The following DAZAP1 variants were observed in gnomAD, a reference collection of about 807,000 sequenced individuals.
DAZAP1 encodes DAZ associated protein 1, also known as DAZ-associated protein 1.
Under a neutral mutation model 60.1 loss-of-function variants are expected in DAZAP1, and 6 were observed. That is an observed-to-expected ratio of 0.10 (90% CI 0.05 to 0.20). The LOEUF (loss-of-function observed/expected upper bound fraction) is 0.20, where lower values mean the gene tolerates loss of function less well. Among genes scored for constraint, DAZAP1 ranks in the 10% least tolerant of loss-of-function variants. DAZAP1 has a pLI of 1.00. For synonymous variants in DAZAP1, 235 were observed against 215.9 expected (o/e 1.09, Z -0.78); for missense variants, 366 against 560.4 (o/e 0.65, Z 3.50).
intron 4 of DAZAP1, among the ~76,000 whole-genome samples, chr19:1,420,806 C>T (rs1049706606): frequency 6.6e-5 from 10 of 152,222 alleles, no homozygotes; most frequent in East Asian, 5.8e-4. Flanking sequence ...TTTCCCCTGC[C>T]GTCCTAAAGT....
At chr19:1,415,351 TTATGTGTGTGTGTG>T (rs1223903603) in intron 1 of DAZAP1, among the ~76,000 whole-genome samples, 10 of 69,942 alleles carry the variant, frequency 1.4e-4, no homozygotes, top group South Asian at 4.4e-4. Context: ...TTTCAGGGTT[TTATGTGTGTGTGTG>T]TGTGTGTGTG....
chr19:1,419,613 G>GT (rs2083087701), intron 4 of DAZAP1, among the ~76,000 whole-genome samples: 1 of 152,178 alleles, frequency 6.6e-6, no homozygotes, highest in Non-Finnish European at 1.5e-5. Context: ...CTCATAGCTG[G>GT]TTTTTTTCAG....
intron 9 of DAZAP1, 91 bp downstream of exon 9, chr19:1,430,087 T>G: frequency 6.3e-7 from 1 of 1,581,308 alleles, no homozygotes; most frequent in Non-Finnish European, 8.6e-7. Context: ...CAAAGCCTGG[T>G]TCCCGTGTCC....
At position 1,433,631 on chromosome 19, in the gene DAZAP1, G is replaced by T; in HGVS notation, c.1048+941G>T. ...CTCACCACCAAACCCTGGCGTGTCT[G>T]AGACTGGCAGGGGGGTGTGAGGCGC... On this transcript the variant is annotated intron_variant, in intron 11 of 11. Coordinates refer to ENST00000233078, the MANE Select transcript of DAZAP1 (RefSeq NM_018959.4). This position sits in a 1 kb window ranked among gnomAD's most constrained non-coding sequence, Gnocchi z 6.1. 1.1e-6 allele frequency: 1 copy of T among 883,334 alleles called. No homozygotes were observed. The allele number at this position is 883,334 out of a possible 1,614,324, so 54.7% of individuals were successfully genotyped here. A position where few individuals can be genotyped will look rare whatever the true frequency, so the allele number is the denominator to read the frequency against.
At position 1,432,948 on chromosome 19, in the gene DAZAP1, C is replaced by T. The variant is rs774359942; in HGVS notation, c.1048+258C>T. 9 of 489,042 alleles carry T rather than the reference C, an allele frequency of 1.8e-5. No individual in the cohort carries two copies. The highest frequency in any genetic ancestry group is 3.3e-5 in the Non-Finnish European group (9 of 275,828). The allele number at this position is 489,042 out of a possible 1,614,324, so 30.3% of individuals were successfully genotyped here. A position where few individuals can be genotyped will look rare whatever the true frequency, so the allele number is the denominator to read the frequency against. On this transcript the variant is annotated intron_variant, in intron 11 of 11. Transcript: ENST00000233078. The surrounding 1 kb of genome is among the most constrained non-coding windows in gnomAD (Gnocchi z 4.9). Reference sequence around the variant, plus strand: ...CTGCAGGGCCTGCATGTGTGGGAACCTGAGTGGCGACTGGGTCGAGGGAAG... The same window carrying T: ...CTGCAGGGCCTGCATGTGTGGGAACTTGAGTGGCGACTGGGTCGAGGGAAG...
At chr19:1,421,124 A>G (rs1198259259) in intron 4 of DAZAP1, 24 bp from the exon 5 acceptor site, 1 of 1,609,800 alleles carries the variant, frequency 6.2e-7, no homozygotes, top group Non-Finnish European at 8.5e-7. Flanking sequence ...CGTGTGAACT[A>G]ACTATCCTTC....
At chr19:1,409,620 G>A (rs2082767031) in intron 1 of DAZAP1, among the ~76,000 whole-genome samples, 2 of 152,258 alleles carry the variant, frequency 1.3e-5, no homozygotes, top group African/African-American at 2.4e-5. Context: ...GCCGCCCGTC[G>A]CATGGGAGAC....
rs972455758 is a variant in DAZAP1 at position 1,423,470 on chromosome 19, C to T, written c.463+1074C>T. The stretch of plus-strand genomic sequence containing the variant: ...ATATCACACAGGTACAGGCCAGTCC[C>T]GCAGTCAGAGGAGGGAGCGGCTTTG... On this transcript the variant is annotated intron_variant, in intron 6 of 11. Coordinates refer to ENST00000233078, the MANE Select transcript of DAZAP1 (RefSeq NM_018959.4). The surrounding 1 kb of genome is among the most constrained non-coding windows in gnomAD (Gnocchi z 6.8). Among the ~76,000 whole-genome samples the T allele has an allele frequency of 6.6e-6, 1 of 152,228 alleles. No individual in the cohort carries two copies. Among genetic ancestry groups the T allele is most frequent in the Non-Finnish European group, 1.5e-5 (1 of 68,034 alleles).
intron 5 of DAZAP1, 56 bp downstream of exon 5, chr19:1,421,314 C>T (rs2144807812): frequency 6.6e-7 from 1 of 1,524,480 alleles, no homozygotes; most frequent in African/African-American, 1.4e-5. Context: ...TCTGCTCAGG[C>T]CTGGGCCTTC....
Position 1,418,746 on chromosome 19 carries a change from C to T in DAZAP1, c.303+15C>T, listed in dbSNP as rs202095550. On this transcript the variant is annotated intron_variant, in intron 4 of 11. Coordinates refer to ENST00000233078, the MANE Select transcript of DAZAP1 (RefSeq NM_018959.4). This position sits in a 1 kb window ranked among gnomAD's most constrained non-coding sequence, Gnocchi z 5.7. The stretch of plus-strand genomic sequence containing the variant: ...AGGAAGGATGGGTAAGGGGCTGGGC[C>T]GGGCGGCCTCCTTGTGTGTTCTCCA... The T allele has an allele frequency of 1.6e-3, 2,531 of 1,595,286 alleles. 7 individuals carry two copies. Among genetic ancestry groups the T allele is most frequent in the South Asian group, 3.3e-3 (293 of 88,126 alleles).
At position 1,422,407 on chromosome 19, in the gene DAZAP1, A is replaced by G. The variant is rs370506458; in HGVS notation, c.463+11A>G. On this transcript the variant is annotated intron_variant, in intron 6 of 11. Coordinates refer to ENST00000233078, the MANE Select transcript of DAZAP1 (RefSeq NM_018959.4). This position sits in a 1 kb window ranked among gnomAD's most constrained non-coding sequence, Gnocchi z 4.5. ...AGCAGAGGCCCCGAGGTAAGGGCAGATCTAGTTTGACCTCGGCCTTCTCCC... is the reference window on the plus strand; with the variant it reads ...AGCAGAGGCCCCGAGGTAAGGGCAGGTCTAGTTTGACCTCGGCCTTCTCCC... 2.1e-5 allele frequency: 34 copies of G among 1,613,456 alleles called. No individual in the cohort carries two copies. Among genetic ancestry groups the G allele is most frequent in the Non-Finnish European group, 2.7e-5 (32 of 1,179,674 alleles).
chr19:1,409,535 C>T (rs2082764067), intron 1 of DAZAP1, among the ~76,000 whole-genome samples: 1 of 152,242 alleles, frequency 6.6e-6, no homozygotes. Context: ...TGCATGGACC[C>T]TGCTCTCCTC....
Position 1,434,831 on chromosome 19 carries a change from G to A in DAZAP1, c.1143G>A (p.Ser381=), listed in dbSNP as rs368917206. 17 of 1,598,206 alleles carry A rather than the reference G, an allele frequency of 1.1e-5. No homozygotes were observed. The highest frequency in any genetic ancestry group is 9.1e-5 in the East Asian group (4 of 43,852). ...PSYGGPSVPG[S]GGPPAGGSGF... is the part of the protein sequence containing the mutation. ...ACGGGGGTCCCTCCGTGCCAGGGTCGGGGGGCCCCCCCGCCGGCGGCAGCG... is the reference window on the plus strand; with the variant it reads ...ACGGGGGTCCCTCCGTGCCAGGGTCAGGGGGCCCCCCCGCCGGCGGCAGCG... The change falls in exon 12 of 12, where the codon TCG becomes TCA. Residue 381 remains serine (S), a synonymous_variant. Transcript: ENST00000233078. This position sits in a 1 kb window ranked among gnomAD's most constrained non-coding sequence, Gnocchi z 8.0.
In DAZAP1 at chr19:1,430,263, C is replaced by T; in HGVS notation, c.772C>T (p.Pro258Ser). 7.9e-7 allele frequency: 1 copy of T among 1,264,380 alleles called. No homozygotes were observed. Among genetic ancestry groups the T allele is most frequent in the African/African-American group, 1.5e-5 (1 of 67,120 alleles). The allele number at this position is 1,264,380 out of a possible 1,614,324, so 78.3% of individuals were successfully genotyped here. The change falls in exon 10 of 12, where the codon CCA becomes TCA. Residue 258 changes from proline (P) to serine (S), a missense_variant. Physicochemically the swap from Pro to Ser is moderately conservative, Grantham distance 74. Transcript: ENST00000233078. ...CCCTGCAGGAAGAGGAGCCCCCCCG[C>T]CACCCCCACCGTTCACCTCCTACAT... ...PPPAGRGAPP[P>S]PPPFTSYIVS...
intron 4 of DAZAP1, 33 bp from the exon 5 acceptor site, chr19:1,421,115 G>A (rs370844328): frequency 2.7e-5 from 43 of 1,603,400 alleles, no homozygotes; most frequent in Admixed American, 3.3e-5. Context: ...GAGGGTTCCC[G>A]TGTGAACTAA....
chr19:1,424,328 TTCCCCCTCCCCCTCCTCCTCCCCC>T (rs1452131528), intron 6 of DAZAP1, among the ~76,000 whole-genome samples: 2 of 97,228 alleles, frequency 2.1e-5, no homozygotes, highest in African/African-American at 8.1e-5. Context: ...CCTCCTCCTC[TTCCCCCTCCCCCTCCTCCTCCCCC>T]TCCCCCTCCC....
At position 1,430,270 on chromosome 19, in the gene DAZAP1, C is replaced by CCCCCCAAAAACCAA; in HGVS notation, c.779_780insCCCCCAAAAACCAA (p.Phe262GlnfsTer78). On this transcript the variant is annotated frameshift_variant, in exon 10 of 12. Transcript: ENST00000233078. LOFTEE classifies it high-confidence loss of function. ...GGAAGAGGAGCCCCCCCGCCACCCCCACCGTTCACCTCCTACATCGTGTCC... is the reference window on the plus strand; with the variant it reads ...GGAAGAGGAGCCCCCCCGCCACCCCCCCCCCAAAAACCAAACCGTTCACCTCCTACATCGTGTCC... The CCCCCCAAAAACCAA allele has an allele frequency of 7.3e-7, 1 of 1,368,654 alleles. No individual in the cohort carries two copies. The highest frequency in any genetic ancestry group is 1.0e-6 in the Non-Finnish European group (1 of 979,208). 84.8% of individuals were successfully genotyped at this position (1,368,654 alleles called of 1,614,324 possible).
chr19:1,429,238 G>T (rs1012235294), intron 8 of DAZAP1, among the ~76,000 whole-genome samples: 12 of 152,340 alleles, frequency 7.9e-5, no homozygotes, highest in Middle Eastern at 6.8e-3. Context: ...GGGACTCATT[G>T]TCACCGGGAA....
chr19:1,429,140 A>G (rs1263541426), intron 8 of DAZAP1, 145 bp downstream of exon 8: 1 of 1,135,178 alleles, frequency 8.8e-7, no homozygotes, highest in Non-Finnish European at 1.2e-6. Flanking sequence ...AGCCCCCGCG[A>G]GGTGCCGGCT....
Sources: allele counts gnomAD v4.1 joint callset (sites outside exome capture counted in the v4.1 genomes callset), GRCh38; gene constraint gnomAD v4.1.1; non-coding constraint Gnocchi (gnomAD v3.1); transcripts MANE v1.5; gene names NCBI Gene and HGNC (gene_info 2026-07-23, HGNC 2026-07-21).